Variants in ERC2 observed in about 807,000 individuals in gnomAD.
ERC2 encodes the protein ELKS/RAB6-interacting/CAST family member 2.
ERC2 carries 42 observed loss-of-function variants against 114.8 expected under a neutral mutation model. That is an observed-to-expected ratio of 0.37 (90% confidence interval 0.29 to 0.47). The LOEUF is 0.47. Among genes scored for constraint, ERC2 ranks in the 20% least tolerant of loss-of-function variants. ERC2 has a pLI of 0.99. For missense variants in ERC2, 939 were observed against 1,150.7 expected (o/e 0.82, Z 2.66); for synonymous variants, 454 against 425.5 (o/e 1.07, Z -0.82).
intron 2 of ERC2, among the ~76,000 whole-genome samples, chr3:56,408,787 T>C (rs998221334): frequency 2.0e-5 from 3 of 152,174 alleles, no homozygotes; most frequent in African/African-American, 7.2e-5. Context: ...CCCGAGTGGG[T>C]GCCATCTGGC....
intron 2 of ERC2, among the ~76,000 whole-genome samples, chr3:56,348,970 A>G (rs2058443899): frequency 2.0e-5 from 2 of 97,636 alleles, no homozygotes; most frequent in Admixed American, 2.2e-4. Flanking sequence ...GAAAGAAAGA[A>G]GGAAAGAAAG....
At chr3:55,603,544 A>G (rs1006376190) in intron 17 of ERC2, among the ~76,000 whole-genome samples, 1 of 151,516 alleles carries the variant, frequency 6.6e-6, no homozygotes, top group Non-Finnish European at 1.5e-5. Context: ...AGGCAGGAGA[A>G]CTGCGTGAAC....
At chr3:55,512,664 T>G (rs1035283287) in intron 17 of ERC2, among the ~76,000 whole-genome samples, 2 of 152,228 alleles carry the variant, frequency 1.3e-5, no homozygotes, top group South Asian at 4.1e-4. Flanking sequence ...TCCTTGATGT[T>G]TTTCCAAGAT....
At chr3:56,348,671 T>C (rs1000155987) in intron 2 of ERC2, among the ~76,000 whole-genome samples, 26 of 152,060 alleles carry the variant, frequency 1.7e-4, no homozygotes, top group African/African-American at 5.5e-4. Context: ...TGCCTCATCC[T>C]GCCTGCATGC....
At chr3:55,952,172 CACACACACTCTCTCTCTCTCTCTCTCTA>C (rs1233000571) in intron 12 of ERC2, among the ~76,000 whole-genome samples, 15 of 58,940 alleles carry the variant, frequency 2.5e-4, no homozygotes, top group African/African-American at 7.9e-4. Flanking sequence ...CACACACACA[CACACACACTCTCTCTCTCTCTCTCTCTA>C]TATATATATA....
At chr3:56,155,549 G>GA (rs1390343588) in intron 4 of ERC2, among the ~76,000 whole-genome samples, 16 of 152,004 alleles carry the variant, frequency 1.1e-4, no homozygotes, top group Middle Eastern at 3.4e-3. Flanking sequence ...ACCTATAACA[G>GA]AAAAAATATA....
At chr3:55,883,001 T>G (rs1305791638) in intron 14 of ERC2, among the ~76,000 whole-genome samples, 3 of 152,238 alleles carry the variant, frequency 2.0e-5, no homozygotes, top group Non-Finnish European at 4.4e-5. Context: ...ATCTATTCAT[T>G]TATTTGCTTA....
intron 14 of ERC2, among the ~76,000 whole-genome samples, chr3:55,864,751 A>G (rs1317042841): frequency 6.6e-6 from 1 of 152,130 alleles, no homozygotes; most frequent in Admixed American, 6.6e-5. Context: ...TGTCACCATC[A>G]TCACAATCAC....
chr3:56,308,787 T>A (rs994850395), intron 2 of ERC2, among the ~76,000 whole-genome samples: 1 of 144,600 alleles, frequency 6.9e-6, no homozygotes, highest in Admixed American at 7.2e-5. Flanking sequence ...TATCCAAAAG[T>A]CGTGAAGTTT....
At chr3:56,304,094 C>T (rs1418074637) in intron 2 of ERC2, among the ~76,000 whole-genome samples, 2 of 151,954 alleles carry the variant, frequency 1.3e-5, no homozygotes, top group Non-Finnish European at 2.9e-5. Context: ...AAATTATCAA[C>T]CAGATCTGAA....
At chr3:56,136,092 C>T (rs1183107184) in intron 6 of ERC2, among the ~76,000 whole-genome samples, 1 of 152,156 alleles carries the variant, frequency 6.6e-6, no homozygotes, top group African/African-American at 2.4e-5. Context: ...CAAGTTCAAA[C>T]AAACCAACCA....
chr3:56,169,201 T>C (rs544732538), intron 4 of ERC2, among the ~76,000 whole-genome samples: 1 of 151,818 alleles, frequency 6.6e-6, no homozygotes, highest in African/African-American at 2.4e-5. Context: ...AGTTAACAAG[T>C]TCACCAAACT....
chr3:55,583,524 C>CCTCCCTTCCTTCCTTCCTTT (rs2057414612), intron 17 of ERC2, among the ~76,000 whole-genome samples: 2 of 50,352 alleles, frequency 4.0e-5, no homozygotes, highest in Non-Finnish European at 8.1e-5. Context: ...TCCCTCCCTC[C>CCTCCCTTCCTTCCTTCCTTT]CTTCCTTCCT....
At chr3:55,929,500 T>C (rs113302842) in intron 13 of ERC2, among the ~76,000 whole-genome samples, 43 of 152,346 alleles carry the variant, frequency 2.8e-4, no homozygotes, top group African/African-American at 1.0e-3. Context: ...ATTCCTGTTC[T>C]TCCAATGGGA....
Position 55,508,909 on chromosome 3 carries a change from T to G in ERC2, c.*2407A>C, listed in dbSNP as rs538738689. ...CAAACTTCTTTTTTCAACTATGTTA[T>G]GATTAGAAGAAAACCTGTTAAAGTT... On this transcript the variant is annotated 3_prime_UTR_variant, in exon 18 of 18. Transcript: ENST00000288221. 1.3e-5 allele frequency: 2 copies of G among 152,630 alleles called. No homozygotes were observed. Among genetic ancestry groups the G allele is most frequent in the Non-Finnish European group, 2.9e-5 (2 of 68,042 alleles). The allele number at this position is 152,630 out of a possible 1,614,324, so 9.5% of individuals were successfully genotyped here. A position where few individuals can be genotyped will look rare whatever the true frequency, so the allele number is the denominator to read the frequency against.
intron 14 of ERC2, among the ~76,000 whole-genome samples, chr3:55,858,925 A>G (rs2061903915): frequency 6.6e-6 from 1 of 152,098 alleles, no homozygotes; most frequent in South Asian, 2.1e-4. Context: ...CCCTCTGCCC[A>G]GCACCAGATG....
intron 2 of ERC2, among the ~76,000 whole-genome samples, chr3:56,412,505 G>T (rs886700619): frequency 2.0e-5 from 3 of 152,240 alleles, no homozygotes; most frequent in Non-Finnish European, 4.4e-5. Context: ...CACACAAGGG[G>T]TTTGTGGCAG....
chr3:56,409,459 GA>G (rs1032283540), intron 2 of ERC2, among the ~76,000 whole-genome samples: 1 of 138,194 alleles, frequency 7.2e-6, no homozygotes, highest in South Asian at 2.4e-4. Flanking sequence ...CTTTAACTGG[GA>G]AAAAAACCAT....
chr3:56,047,264 T>C (rs2075522603), intron 7 of ERC2, among the ~76,000 whole-genome samples: 2 of 152,230 alleles, frequency 1.3e-5, no homozygotes, highest in African/African-American at 4.8e-5. Flanking sequence ...ATCAACAACT[T>C]CTATGCTTTG....
Sources: gnomAD v4.1 joint callset for allele counts (sites outside exome capture counted in the v4.1 genomes callset) on GRCh38, gnomAD v4.1.1 for gene constraint, MANE v1.5 for transcripts, NCBI Gene and HGNC (gene_info 2026-07-23, HGNC 2026-07-21) for gene names.